Variants in SHMT1 observed in about 807,000 individuals in gnomAD.
The protein encoded by SHMT1 is serine hydroxymethyltransferase, cytosolic.
A neutral mutation model predicts 49.0 loss-of-function variants in SHMT1; 45 were observed. The ratio of observed to expected loss-of-function variants is 0.92; its 90% CI spans 0.72 to 1.18. The LOEUF (loss-of-function observed/expected upper bound fraction) is 1.18. Among genes scored for constraint, SHMT1 ranks in the 50% most tolerant of loss-of-function variants. The probability of loss-of-function intolerance (pLI) is 0.00; values close to 1 mark genes in which losing one functional copy is unlikely to be tolerated. For missense variants in SHMT1, 541 were observed against 612.4 expected, an observed-to-expected ratio of 0.88 and a Z score of 1.23; for synonymous variants, 232 against 246.6, an observed-to-expected ratio of 0.94 and a Z score of 0.55.
chr17:18,362,703 C>T (rs1194830427), intron 1 of SHMT1, among the ~76,000 whole-genome samples: 1 of 152,232 alleles, frequency 6.6e-6, no homozygotes, highest in Non-Finnish European at 1.5e-5. Context: ...AGGCCCGCAT[C>T]TGTGCTGACC....
intron 5 of SHMT1, among the ~76,000 whole-genome samples, chr17:18,347,168 G>A (rs939802656): frequency 4.6e-5 from 7 of 152,216 alleles, no homozygotes; most frequent in African/African-American, 1.7e-4. Context: ...GGTGGCTGTT[G>A]CTGGGGTCCA....
At chr17:18,329,510 G>A in intron 10 of SHMT1, 122 bp from the exon 11 acceptor site, 1 of 775,070 alleles carries the variant, frequency 1.3e-6, no homozygotes, top group East Asian at 2.7e-5. Flanking sequence ...TCCCTAGCAA[G>A]GAGTACAACT....
chr17:18,354,610 C>CA (rs1307956455), intron 2 of SHMT1, among the ~76,000 whole-genome samples: 2 of 151,908 alleles, frequency 1.3e-5, no homozygotes, highest in Non-Finnish European at 2.9e-5. Context: ...AAAAGAAAAA[C>CA]AAAATGATTG....
Position 18,328,574 on chromosome 17 carries a change from CTT to C in SHMT1, c.*174_*175del, listed in dbSNP as rs1982805912. 3 of 667,720 alleles carry C rather than the reference CTT, an allele frequency of 4.5e-6. No individual in the cohort carries two copies. The highest frequency in any genetic ancestry group is 5.0e-6 in the Non-Finnish European group (2 of 398,224). 41.4% of individuals were successfully genotyped at this position (667,720 alleles called of 1,614,324 possible). A position where few individuals can be genotyped will look rare whatever the true frequency, so the allele number is the denominator to read the frequency against. The stretch of plus-strand genomic sequence containing the variant: ...TGTCCCAGAATTACTAACAATGAGA[CTT>C]AAACAAATTTTGATTTGTGAAGAAA... On this transcript the variant is annotated 3_prime_UTR_variant, in exon 12 of 12. Transcript: ENST00000316694.
At position 18,328,465 on chromosome 17, in the gene SHMT1, C is replaced by T; in HGVS notation, c.*285G>A. 1 of 450,484 alleles carries T rather than the reference C, an allele frequency of 2.2e-6. No individual in the cohort carries two copies. Among genetic ancestry groups the T allele is most frequent in the South Asian group, 2.2e-5 (1 of 45,946 alleles). The allele number at this position is 450,484 out of a possible 1,614,324, so 27.9% of individuals were successfully genotyped here. On this transcript the variant is annotated 3_prime_UTR_variant, in exon 12 of 12. Coordinates refer to ENST00000316694, the MANE Select transcript of SHMT1 (RefSeq NM_004169.5). Reference sequence around the variant, plus strand: ...ACACCACCATCTAAATGATTATGACCAAGTGGCGACATAGTATTTTATTTT... The same window carrying T: ...ACACCACCATCTAAATGATTATGACTAAGTGGCGACATAGTATTTTATTTT...
At chr17:18,345,427 T>C (rs2151587267) in intron 5 of SHMT1, among the ~76,000 whole-genome samples, 1 of 151,882 alleles carries the variant, frequency 6.6e-6, no homozygotes, top group Middle Eastern at 3.4e-3. Flanking sequence ...CCAGTTAATT[T>C]CTGTATTTTT....
chr17:18,349,186 G>C (rs1449259558), intron 3 of SHMT1, among the ~76,000 whole-genome samples: 1 of 152,032 alleles, frequency 6.6e-6, no homozygotes, highest in Non-Finnish European at 1.5e-5. Flanking sequence ...TTGGGAGGCC[G>C]AGGTGGGCAG....
intron 5 of SHMT1, chr17:18,341,647 G>GGA (rs1984529281): frequency 2.4e-5 from 1 of 41,898 alleles, no homozygotes; most frequent in Non-Finnish European, 4.3e-5. Context: ...GACTCCATCT[G>GGA]AAAAAAAAAA....
intron 1 of SHMT1, among the ~76,000 whole-genome samples, chr17:18,359,182 G>A (rs750384739): frequency 9.3e-5 from 14 of 149,982 alleles, no homozygotes; most frequent in Non-Finnish European, 1.9e-4. Flanking sequence ...AAGTTGTAGT[G>A]AGCCGAGATC....
chr17:18,356,660 C>T lies in SHMT1; in HGVS notation c.-19-660G>A, dbSNP rs531381718. ...AGCATTATATTGAATCAAAGCTCAT[C>T]GAAACCTGTTAGTTCTATCAAGTTG... On this transcript the variant is annotated intron_variant, in intron 1 of 11. Transcript: ENST00000316694. 4.1e-4 allele frequency among the ~76,000 whole-genome samples: 62 copies of T among 152,224 alleles called. No individual in the cohort carries two copies. The South Asian group carries it at 0.011, about 28-fold the overall frequency.
At chr17:18,357,266 C>A (rs902198348) in intron 1 of SHMT1, among the ~76,000 whole-genome samples, 1 of 110,210 alleles carries the variant, frequency 9.1e-6, no homozygotes. Context: ...GGCCATAGAG[C>A]AAGACTCCAC....
At chr17:18,358,896 CTGTG>C (rs535833492) in intron 1 of SHMT1, among the ~76,000 whole-genome samples, 7 of 151,870 alleles carry the variant, frequency 4.6e-5, no homozygotes, top group Non-Finnish European at 2.9e-5. Flanking sequence ...GAGTAAGACC[CTGTG>C]TGTGTGTGTT....
chr17:18,359,462 G>A (rs1986550665), intron 1 of SHMT1, among the ~76,000 whole-genome samples: 1 of 151,660 alleles, frequency 6.6e-6, no homozygotes, highest in Non-Finnish European at 1.5e-5. Context: ...TCAACTTGAG[G>A]CCAGGAGTTT....
intron 5 of SHMT1, chr17:18,341,604 C>T: frequency 7.2e-6 from 1 of 138,318 alleles, no homozygotes; most frequent in Non-Finnish European, 1.5e-5. Context: ...TGTGCCACTG[C>T]ACTCCAGCAC....
intron 1 of SHMT1, among the ~76,000 whole-genome samples, chr17:18,361,505 G>C (rs1986773525): frequency 6.7e-6 from 1 of 149,494 alleles, no homozygotes; most frequent in South Asian, 2.1e-4. Flanking sequence ...AGAAAAAAGG[G>C]GGCTGGGTGC....
chr17:18,331,281 T>C, intron 9 of SHMT1: 1 of 184,878 alleles, frequency 5.4e-6, no homozygotes, highest in East Asian at 1.3e-4. Flanking sequence ...GGGCCTCTGC[T>C]TCTGAGCTGT....
intron 9 of SHMT1, chr17:18,332,207 T>C (rs1221956958): frequency 6.6e-6 from 1 of 152,272 alleles, no homozygotes; most frequent in Non-Finnish European, 1.5e-5. Flanking sequence ...GCTTTATTAT[T>C]TGAAGACATG....
chr17:18,338,311 G>A (rs1325753979), intron 7 of SHMT1, among the ~76,000 whole-genome samples: 2 of 152,002 alleles, frequency 1.3e-5, no homozygotes, highest in African/African-American at 2.4e-5. Flanking sequence ...GCCCCGTCTG[G>A]GAAGTGAGGA....
intron 5 of SHMT1, among the ~76,000 whole-genome samples, chr17:18,345,256 ATTCT>A (rs1235557418): frequency 6.6e-6 from 1 of 151,982 alleles, no homozygotes; most frequent in African/African-American, 2.4e-5. Context: ...CGGGACGCAG[ATTCT>A]TTCTTTTTTT....
Sources: gnomAD v4.1 joint callset for allele counts (sites outside exome capture counted in the v4.1 genomes callset) on GRCh38, gnomAD v4.1.1 for gene constraint, MANE v1.5 for transcripts, NCBI Gene and HGNC (gene_info 2026-07-23, HGNC 2026-07-21) for gene names.